The following RNASEH2B variants were observed in gnomAD, a reference collection of about 807,000 sequenced individuals.
RNASEH2B encodes the protein ribonuclease H2 subunit B.
RNASEH2B carries 36 observed loss-of-function variants against 45.0 expected under a neutral mutation model. The ratio of observed to expected loss-of-function variants is 0.80; its 90% CI spans 0.61 to 1.06. The LOEUF (loss-of-function observed/expected upper bound fraction) is 1.06, where lower values mean the gene tolerates loss of function less well. RNASEH2B is among the 50% of genes least tolerant of loss of function. The pLI, the probability that RNASEH2B is intolerant of heterozygous loss-of-function variation, is 0.00. For missense variants in RNASEH2B, 361 were observed against 360.3 expected (o/e 1.00, Z -0.02); for synonymous variants, 119 against 125.7 (o/e 0.95, Z 0.35).
chr13:50,957,845 C>T (rs756017758), downstream of RNASEH2B, among the ~76,000 whole-genome samples: 1 of 152,148 alleles, frequency 6.6e-6, no homozygotes, highest in African/African-American at 2.4e-5. Flanking sequence ...ATTTGCTTTG[C>T]TCTGATGATT....
In RNASEH2B at chr13:50,943,383, C is replaced by T. The variant is rs1490133963; in HGVS notation, c.499C>T (p.Leu167=). ...CAGCAAAGAGAAGACATTAAAGTGG[C>T]TGGAAAAAAAGGTATAGTTCCTCTC... ...KYSKEKTLKW[L]EKKVNQTVAA... Residue 167 remains leucine, a synonymous_variant, in exon 6 of 11, where the codon CTG becomes TTG. Coordinates refer to ENST00000336617, the MANE Select transcript of RNASEH2B (RefSeq NM_024570.4). 2 of 1,603,178 alleles carry T rather than the reference C, an allele frequency of 1.2e-6. No individual in the cohort carries two copies. Among genetic ancestry groups the T allele is most frequent in the Admixed American group, 3.3e-5 (2 of 59,900 alleles).
chr13:50,929,227 T>C (rs1951644746), intron 2 of RNASEH2B, among the ~76,000 whole-genome samples: 1 of 152,214 alleles, frequency 6.6e-6, no homozygotes, highest in African/African-American at 2.4e-5. Context: ...TTGTATTAGT[T>C]AAGATAAATG....
chr13:50,921,889 C>G (rs1951528452), intron 1 of RNASEH2B, among the ~76,000 whole-genome samples: 2 of 152,190 alleles, frequency 1.3e-5, no homozygotes, highest in Admixed American at 1.3e-4. Context: ...ATTTCCTCTC[C>G]TCAGCTCTGC....
At position 50,945,508 on chromosome 13, in the gene RNASEH2B, G is replaced by C; in HGVS notation, c.592G>C (p.Asp198His). ...ACAGTCAACTGCATTTTTCTCTGGT[G>C]ACCAAGCTTCCACTGACAAGGAAGG... ...RVQSTAFFSG[D>H]QASTDKEEDY... Residue 198 changes from aspartate to histidine, a missense_variant, in exon 7 of 11, where the codon GAC becomes CAC. Physicochemically the swap from Asp to His is moderately conservative, Grantham distance 81. Coordinates refer to ENST00000336617, the MANE Select transcript of RNASEH2B (RefSeq NM_024570.4). The C allele has an allele frequency of 6.2e-7, 1 of 1,613,136 alleles. No individual in the cohort carries two copies. Among genetic ancestry groups the C allele is most frequent in the Middle Eastern group, 1.7e-4 (1 of 6,056 alleles).
At chr13:50,918,741 A>G (rs1951480427) in intron 1 of RNASEH2B, among the ~76,000 whole-genome samples, 1 of 152,238 alleles carries the variant, frequency 6.6e-6, no homozygotes, top group Non-Finnish European at 1.5e-5. Context: ...GTGTCCTACC[A>G]AAGTGTTTCC....
chr13:50,956,613 GT>G lies in RNASEH2B; in HGVS notation c.*144del. 2 of 1,466,532 alleles carry G rather than the reference GT, an allele frequency of 1.4e-6. No homozygotes were observed. Among genetic ancestry groups the G allele is most frequent in the Non-Finnish European group, 1.8e-6 (2 of 1,105,096 alleles). 90.8% of individuals were successfully genotyped at this position (1,466,532 alleles called of 1,614,324 possible). ...TCTCTTAAACATTTCTTTGCATTTG[GT>G]TTTTGTGTTCCTGAACAAAATATGG... On this transcript the variant is annotated 3_prime_UTR_variant, in exon 11 of 11. Transcript: ENST00000336617.
intron 3 of RNASEH2B, 85 bp from the exon 4 acceptor site, chr13:50,930,596 ACT>A (rs1951666374): frequency 1.0e-6 from 1 of 954,308 alleles, no homozygotes; most frequent in Non-Finnish European, 1.7e-6. Flanking sequence ...ATTTTTCAAC[ACT>A]GTTTTTCACT....
intron 5 of RNASEH2B, among the ~76,000 whole-genome samples, chr13:50,939,927 T>G (rs991849389): frequency 1.3e-5 from 2 of 152,242 alleles, no homozygotes; most frequent in African/African-American, 4.8e-5. Context: ...ATCAAAAGTA[T>G]TCTCTTTTGT....
At chr13:50,920,007 G>GTGTTT (rs201084919) in intron 1 of RNASEH2B, among the ~76,000 whole-genome samples, 6,660 of 149,738 alleles carry the variant, frequency 0.044, 191 homozygotes, top group African/African-American at 0.072. Context: ...TTTGTTGAGG[G>GTGTTT]TGTTTTGTTT....
chr13:50,960,120 A>G (rs895994867), downstream of RNASEH2B: 2 of 1,085,002 alleles, frequency 1.8e-6, no homozygotes, highest in Non-Finnish European at 1.2e-6. Context: ...TTTCATTGCT[A>G]TTAATGAAAT....
At chr13:50,918,639 G>C (rs1951479490) in intron 1 of RNASEH2B, among the ~76,000 whole-genome samples, 2 of 152,204 alleles carry the variant, frequency 1.3e-5, no homozygotes, top group African/African-American at 2.4e-5. Context: ...GTTTTGGGAA[G>C]TGAAGGCATA....
chr13:50,928,130 A>T (rs1951625195), intron 2 of RNASEH2B, among the ~76,000 whole-genome samples: 1 of 152,154 alleles, frequency 6.6e-6, no homozygotes. Flanking sequence ...GTGTATTCTA[A>T]ATATTGAGTA....
chr13:50,961,458 A>C (rs990549492), downstream of RNASEH2B, among the ~76,000 whole-genome samples: 1 of 152,086 alleles, frequency 6.6e-6, no homozygotes, highest in African/African-American at 2.4e-5. Context: ...TTTAATGCTC[A>C]TGTTGTTTCA....
downstream of RNASEH2B, among the ~76,000 whole-genome samples, chr13:50,961,029 T>C (rs2138035806): frequency 6.6e-6 from 1 of 152,298 alleles, no homozygotes; most frequent in East Asian, 1.9e-4. Context: ...TCTTTTTGAT[T>C]AAATTCAAGT....
At chr13:50,946,018 G>A (rs1162748687) in intron 7 of RNASEH2B, among the ~76,000 whole-genome samples, 1 of 152,144 alleles carries the variant, frequency 6.6e-6, no homozygotes, top group Non-Finnish European at 1.5e-5. Context: ...CAGTTGTACT[G>A]TTCCAGTGGC....
Position 50,929,472 on chromosome 13 carries a change from C to T in RNASEH2B, c.137-3C>T. ...CAAATAAAAGACAGATTTGTCTTAA[C>T]AGGAGAAGGAGCCATTTACTTGTTC... On this transcript the variant is annotated splice_region_variant and splice_polypyrimidine_tract_variant and intron_variant, in intron 2 of 10. Coordinates refer to ENST00000336617, the MANE Select transcript of RNASEH2B (RefSeq NM_024570.4). The T allele has an allele frequency of 6.2e-7, 1 of 1,600,598 alleles. No homozygotes were observed. Among genetic ancestry groups the T allele is most frequent in the South Asian group, 1.1e-5 (1 of 90,806 alleles).
At chr13:50,930,662 C>T (rs752778588) in intron 3 of RNASEH2B, 21 bp from the exon 4 acceptor site, 23 of 1,574,108 alleles carry the variant, frequency 1.5e-5, no homozygotes, top group Non-Finnish European at 2.0e-5. Context: ...TAATTCCCTT[C>T]ATCCTTTTTG....
chr13:50,929,186 C>T (rs1005981299), intron 2 of RNASEH2B, among the ~76,000 whole-genome samples: 1 of 152,142 alleles, frequency 6.6e-6, no homozygotes, highest in African/African-American at 2.4e-5. Context: ...GATATTCCCT[C>T]TTGATCTGAT....
At position 50,948,032 on chromosome 13, in the gene RNASEH2B, C is replaced by G; in HGVS notation, c.662C>G (p.Pro221Arg). 6.2e-7 allele frequency: 1 copy of G among 1,611,606 alleles called. No individual in the cohort carries two copies. Among genetic ancestry groups the G allele is most frequent in the South Asian group, 1.1e-5 (1 of 91,040 alleles). ...YAHGLISDYIPKELSDDLSKY... is the reference protein window; with the variant it reads ...YAHGLISDYIRKELSDDLSKY... ...CATGGTCTGATATCTGACTACATCC[C>G]TAAAGAATTAAGTGATGACTTATCT... is the stretch of plus-strand genomic sequence containing the variant. The change falls in exon 8 of 11, where the codon CCT (proline) becomes CGT (arginine). Residue 221 changes from proline (P) to arginine (R), a missense_variant. Transcript: ENST00000336617.
Sources: gnomAD v4.1 joint callset for allele counts (sites outside exome capture counted in the v4.1 genomes callset) on GRCh38, gnomAD v4.1.1 for gene constraint, MANE v1.5 for transcripts, NCBI Gene and HGNC (gene_info 2026-07-23, HGNC 2026-07-21) for gene names.